SORCS2: variants seen among roughly 807,000 people sequenced by gnomAD.
SORCS2 encodes VPS10 domain-containing receptor SorCS2.
In SORCS2, 100 loss-of-function variants were observed where a neutral mutation model predicts 141.6. The ratio of observed to expected loss-of-function variants is 0.71; its 90% CI spans 0.60 to 0.83. SORCS2 has a LOEUF of 0.83. Ranked by LOEUF, SORCS2 falls within the 40% of genes least tolerant of loss-of-function variation. SORCS2 has a pLI of 0.00. For synonymous variants in SORCS2, 789 were observed against 676.9 expected (o/e 1.17, Z -2.57); for missense variants, 1,646 against 1,560.2 (o/e 1.05, Z -0.93).
chr4:7,561,087 G>A (rs1267380052), intron 3 of SORCS2, among the ~76,000 whole-genome samples: 1 of 152,158 alleles, frequency 6.6e-6, no homozygotes, highest in African/African-American at 2.4e-5. Flanking sequence ...CCTCTCCATA[G>A]CTTTAGGAGA....
chr4:7,632,575 C>T (rs1030041252), intron 3 of SORCS2, among the ~76,000 whole-genome samples: 2 of 152,208 alleles, frequency 1.3e-5, no homozygotes, highest in Non-Finnish European at 2.9e-5. Context: ...ATCATTTCCT[C>T]GGGCTTTTTC....
At chr4:7,729,980 C>T (rs368618853) in intron 23 of SORCS2, among the ~76,000 whole-genome samples, 8 of 152,134 alleles carry the variant, frequency 5.3e-5, no homozygotes, top group African/African-American at 1.4e-4. Context: ...TTTCTTCTCC[C>T]GTGTCATTGG....
At chr4:7,259,507 C>T (rs1714167261) in intron 1 of SORCS2, among the ~76,000 whole-genome samples, 1 of 152,220 alleles carries the variant, frequency 6.6e-6, no homozygotes, top group African/African-American at 2.4e-5. Flanking sequence ...GAGCACTGTG[C>T]TTTCCCTGGA....
At chr4:7,489,552 G>A (rs2109396367) in intron 2 of SORCS2, among the ~76,000 whole-genome samples, 1 of 152,208 alleles carries the variant, frequency 6.6e-6, no homozygotes, top group South Asian at 2.1e-4. Context: ...CCCTGCAGAT[G>A]TTATCTGGTA....
At chr4:7,724,169 G>GTGATAGTGGTGGTGGGGATGGTGA (rs1553808188) in intron 19 of SORCS2, among the ~76,000 whole-genome samples, 1 of 147,474 alleles carries the variant, frequency 6.8e-6, no homozygotes, top group African/African-American at 2.6e-5. Context: ...GGTGATGGTG[G>GTGATAGTGGTGGTGGGGATGGTGA]TGATGGTGAT....
At chr4:7,548,384 G>A (rs1713430579) in intron 3 of SORCS2, among the ~76,000 whole-genome samples, 3 of 152,150 alleles carry the variant, frequency 2.0e-5, no homozygotes. Flanking sequence ...GCAAGGTGGG[G>A]TCCTTCCTTA....
At chr4:7,372,860 T>C (rs1386475853) in intron 1 of SORCS2, among the ~76,000 whole-genome samples, 1 of 152,102 alleles carries the variant, frequency 6.6e-6, no homozygotes, top group African/African-American at 2.4e-5. Context: ...ACTCCCGCAG[T>C]CCTGTTGTGA....
chr4:7,304,942 G>A (rs888472311), intron 1 of SORCS2, among the ~76,000 whole-genome samples: 2 of 152,206 alleles, frequency 1.3e-5, no homozygotes, highest in African/African-American at 4.8e-5. Context: ...AGGCATCCCG[G>A]TTCCTGCTCG....
At chr4:7,323,655 C>T (rs760864953) in intron 1 of SORCS2, among the ~76,000 whole-genome samples, 26 of 152,212 alleles carry the variant, frequency 1.7e-4, no homozygotes, top group Non-Finnish European at 3.2e-4. Context: ...CCCACTGCCA[C>T]GTGGCTAGGG....
intron 3 of SORCS2, among the ~76,000 whole-genome samples, chr4:7,616,574 A>G (rs1377955850): frequency 1.3e-5 from 2 of 152,216 alleles, no homozygotes; most frequent in Non-Finnish European, 2.9e-5. Flanking sequence ...CCAGACAGAC[A>G]GACCCTAAGG....
chr4:7,292,319 A>G (rs1560168644), intron 1 of SORCS2, among the ~76,000 whole-genome samples: 1 of 151,932 alleles, frequency 6.6e-6, no homozygotes, highest in Non-Finnish European at 1.5e-5. Context: ...GAGGCTCCCC[A>G]CCATTCGCAG....
At position 7,726,837 on chromosome 4, in the gene SORCS2, C is replaced by T. The variant is rs777604394; in HGVS notation, c.2803C>T (p.Arg935Cys). 8 of 1,613,752 alleles carry T rather than the reference C, an allele frequency of 5.0e-6. No individual in the cohort carries two copies. The highest frequency in any genetic ancestry group is 4.5e-5 in the East Asian group (2 of 44,874). The part of the protein sequence containing the change: ...TTRFSDTGDV[R>C]VTVQAACGNS... ...GCGGTTTTCGGACACGGGCGACGTG[C>T]GTGTGACGGTGCAGGCCGCCTGTGG... Residue 935 changes from arginine (R) to cysteine (C), a missense_variant, in exon 21 of 27, where the codon CGT (arginine) becomes TGT (cysteine). Arg to Cys is a radical substitution (Grantham distance 180). Coordinates refer to ENST00000507866, the MANE Select transcript of SORCS2 (RefSeq NM_020777.3).
At chr4:7,414,139 G>A (rs891265330) in intron 2 of SORCS2, among the ~76,000 whole-genome samples, 12 of 152,200 alleles carry the variant, frequency 7.9e-5, no homozygotes, top group Non-Finnish European at 1.0e-4. Context: ...TCCCATTAAC[G>A]GATGCAGGCG....
Position 7,602,029 on chromosome 4 carries a change from T to C in SORCS2, c.649-36299T>C, listed in dbSNP as rs527712943. ...CAGCATCCCAAGGCAGAAGAATTTT[T>C]CTTAGTACAGAACAAAATGGAGTCT... On this transcript the variant is annotated intron_variant, in intron 3 of 26. Coordinates refer to ENST00000507866, the MANE Select transcript of SORCS2 (RefSeq NM_020777.3). Among the ~76,000 whole-genome samples the C allele has an allele frequency of 1.2e-4, 18 of 152,346 alleles. No homozygotes were observed. The East Asian group carries it at 1.9e-3, about 16-fold the overall frequency.
intron 14 of SORCS2, among the ~76,000 whole-genome samples, chr4:7,705,078 G>A (rs6849439): frequency 0.67 from 102,283 of 151,990 alleles, 34,891 homozygotes; most frequent in East Asian, 0.9. Flanking sequence ...TATTGTCAAT[G>A]TAATTAAGCC....
chr4:7,656,961 G>C (rs985579232), intron 5 of SORCS2, among the ~76,000 whole-genome samples: 2 of 152,250 alleles, frequency 1.3e-5, no homozygotes, highest in African/African-American at 4.8e-5. Flanking sequence ...CAGCTCACTG[G>C]CCTGCCATTT....
chr4:7,285,036 ATTT>A (rs34265329), intron 1 of SORCS2, among the ~76,000 whole-genome samples: 18 of 140,078 alleles, frequency 1.3e-4, no homozygotes, highest in South Asian at 4.5e-4. Context: ...ATATATATAT[ATTT>A]TTTTTTTTTT....
chr4:7,530,051 G>A (rs1454864852), intron 2 of SORCS2, among the ~76,000 whole-genome samples: 1 of 152,214 alleles, frequency 6.6e-6, no homozygotes, highest in Non-Finnish European at 1.5e-5. Context: ...CTGTGGCCAC[G>A]TGGCCAGCAT....
At chr4:7,567,199 C>T (rs1194018098) in intron 3 of SORCS2, among the ~76,000 whole-genome samples, 1 of 152,194 alleles carries the variant, frequency 6.6e-6, no homozygotes, top group Admixed American at 6.5e-5. Context: ...TAACATCTGA[C>T]ATTGGTATGT....
Sources: allele counts gnomAD v4.1 joint callset (sites outside exome capture counted in the v4.1 genomes callset), GRCh38; gene constraint gnomAD v4.1.1; transcripts MANE v1.5; gene names NCBI Gene and HGNC (gene_info 2026-07-23, HGNC 2026-07-21).